The following BARHL1 variants were observed in gnomAD, a reference collection of about 807,000 sequenced individuals.
BARHL1 encodes the protein BarH like homeobox 1, also known as barH-like 1 homeobox protein.
A neutral mutation model predicts 20.1 loss-of-function variants in BARHL1; 2 were observed. That is an observed-to-expected ratio of 0.10 (90% confidence interval 0.04 to 0.31). The LOEUF (loss-of-function observed/expected upper bound fraction) is 0.31. BARHL1 is among the 10% of genes least tolerant of loss of function. The pLI, the probability that BARHL1 is intolerant of heterozygous loss-of-function variation, is 1.00. For synonymous variants in BARHL1, 213 were observed against 209.9 expected (o/e 1.01, Z -0.13); for missense variants, 397 against 454.0 (o/e 0.87, Z 1.14).
intron 1 of BARHL1, among the ~76,000 whole-genome samples, chr9:132,584,753 G>C (rs1393577591): frequency 6.6e-6 from 1 of 152,206 alleles, no homozygotes; most frequent in East Asian, 1.9e-4. Context: ...GAGATCCAGA[G>C]GCATGCGGGT....
At position 132,589,900 on chromosome 9, in the gene BARHL1, A is replaced by C; in HGVS notation, c.*378A>C. ...CTTCGCTCTCTCCCACGCCCCTTCT[A>C]CGCTCCAGGTGGAGAACAGCCCCTC... On this transcript the variant is annotated 3_prime_UTR_variant, in exon 3 of 3. Coordinates refer to ENST00000263610, the MANE Select transcript of BARHL1 (RefSeq NM_020064.4). 1 of 171,768 alleles carries C rather than the reference A, an allele frequency of 5.8e-6. No homozygotes were observed. Among genetic ancestry groups the C allele is most frequent in the Non-Finnish European group, 1.2e-5 (1 of 81,564 alleles). 10.6% of individuals were successfully genotyped at this position (171,768 alleles called of 1,614,324 possible).
chr9:132,587,571 G>A lies in BARHL1; in HGVS notation c.689+20G>A, dbSNP rs1830157210. On this transcript the variant is annotated intron_variant, in intron 2 of 2. Coordinates refer to ENST00000263610, the MANE Select transcript of BARHL1 (RefSeq NM_020064.4). The surrounding 1 kb of genome is among the most constrained non-coding windows in gnomAD (Gnocchi z 5.5). ...CCGCAGGTGAGGCCTGGCTGCGGGG[G>A]TAGAGGCAGAAAGGGAACTTCCCCT... is the stretch of plus-strand genomic sequence containing the variant. 5 of 1,589,472 alleles carry A rather than the reference G, an allele frequency of 3.1e-6. No homozygotes were observed. Among genetic ancestry groups the A allele is most frequent in the Admixed American group, 1.8e-5 (1 of 57,000 alleles).
chr9:132,583,105 C>T lies in BARHL1; in HGVS notation c.308C>T (p.Ala103Val), dbSNP rs780733135. 6.2e-7 allele frequency: 1 copy of T among 1,613,892 alleles called. No individual in the cohort carries two copies. Among genetic ancestry groups the T allele is most frequent in the Non-Finnish European group, 8.5e-7 (1 of 1,179,974 alleles). Residue 103 changes from alanine to valine, a missense_variant, in exon 1 of 3, where the codon GCC becomes GTC. Physicochemically the swap from Ala to Val is moderately conservative, Grantham distance 64. This residue lies in a region of BARHL1 where 272 missense variants were observed against 298.7 expected (regional missense o/e 0.91). Transcript: ENST00000263610. ...TCCTTTCTGATCAGGGACATCCTTG[C>T]CGACTGCAAACCACTCGCGGCCTGT... Reference protein sequence around the residue: ...TSSFLIRDILADCKPLAACAP... With the variant: ...TSSFLIRDILVDCKPLAACAP...
At chr9:132,584,001 G>A (rs971323547) in intron 1 of BARHL1, among the ~76,000 whole-genome samples, 6 of 152,102 alleles carry the variant, frequency 3.9e-5, no homozygotes, top group South Asian at 4.1e-4. Context: ...CTTTTCTCCC[G>A]CTACACTGGG....
At chr9:132,585,699 G>A (rs1386097655) in intron 1 of BARHL1, among the ~76,000 whole-genome samples, 1 of 152,196 alleles carries the variant, frequency 6.6e-6, no homozygotes, top group Non-Finnish European at 1.5e-5. Flanking sequence ...CCAAGGCAGA[G>A]TGGGCACAGA....
chr9:132,583,989 G>C (rs1020127728), intron 1 of BARHL1, among the ~76,000 whole-genome samples: 1 of 152,170 alleles, frequency 6.6e-6, no homozygotes, highest in South Asian at 2.1e-4. Flanking sequence ...TGAGTAACCA[G>C]CCTTTTCTCC....
chr9:132,585,520 G>A (rs1300779096), intron 1 of BARHL1, among the ~76,000 whole-genome samples: 1 of 152,200 alleles, frequency 6.6e-6, no homozygotes. Context: ...AAGGTGGTCG[G>A]CGACACTAGC....
chr9:132,589,281 G>A lies in BARHL1; in HGVS notation c.743G>A (p.Gly248Asp). The A allele has an allele frequency of 6.2e-7, 1 of 1,613,186 alleles. No individual in the cohort carries two copies. Among genetic ancestry groups the A allele is most frequent in the Non-Finnish European group, 8.5e-7 (1 of 1,179,858 alleles). Residue 248 changes from glycine (G) to aspartate (D), a missense_variant, in exon 3 of 3, where the codon GGC (glycine) becomes GAC (aspartate). Around this residue, in one of 3 missense-constraint regions of BARHL1, gnomAD observed 121 missense variants for 135.9 expected, o/e 0.89. Coordinates refer to ENST00000263610, the MANE Select transcript of BARHL1 (RefSeq NM_020064.4). ...GGGTTGGAGCTGCTGGCGGAGGCAG[G>A]CAATTACTCAGCGCTCCAGCGGATG... is the stretch of plus-strand genomic sequence containing the variant. ...AVGLELLAEA[G>D]NYSALQRMFP...
rs189625072 is a variant in BARHL1 at position 132,585,678 on chromosome 9, C to T, written c.467-1651C>T. Among the ~76,000 whole-genome samples, 24 of 152,182 alleles carry T rather than the reference C, an allele frequency of 1.6e-4. No homozygotes were observed. The East Asian group carries it at 2.5e-3, about 16-fold the overall frequency. ...CCAGTACCCCCTGGGCTGAGCCTAT[C>T]CAAGAGGAGGCCAAGGCAGAGTGGG... On this transcript the variant is annotated intron_variant, in intron 1 of 2. Transcript: ENST00000263610.
Position 132,589,652 on chromosome 9 carries a change from C to A in BARHL1, c.*130C>A, listed in dbSNP as rs1830186140. ...GCCCGGCCCTCCCTGGCGCCCCAGCCCAGTGCCCCCCGAAGGGCCAAATGC... is the reference window on the plus strand; with the variant it reads ...GCCCGGCCCTCCCTGGCGCCCCAGCACAGTGCCCCCCGAAGGGCCAAATGC... On this transcript the variant is annotated 3_prime_UTR_variant, in exon 3 of 3. Coordinates refer to ENST00000263610, the MANE Select transcript of BARHL1 (RefSeq NM_020064.4). 2 of 1,184,796 alleles carry A rather than the reference C, an allele frequency of 1.7e-6. No homozygotes were observed. Among genetic ancestry groups the A allele is most frequent in the Non-Finnish European group, 2.1e-6 (2 of 950,684 alleles). The allele number at this position is 1,184,796 out of a possible 1,614,324, so 73.4% of individuals were successfully genotyped here.
chr9:132,589,718 G>GC lies in BARHL1; in HGVS notation c.*202dup, dbSNP rs919968991. ...CCGGACCCCGGACTGCGTCTCCCCA[G>GC]CCCCCCTCGGCGTCCTCTCTCGCGG... On this transcript the variant is annotated 3_prime_UTR_variant, in exon 3 of 3. Transcript: ENST00000263610. The GC allele has an allele frequency of 1.4e-5, 10 of 704,508 alleles. No individual in the cohort carries two copies. The African/African-American group carries it at 1.5e-4, about 11-fold the overall frequency. 43.6% of individuals were successfully genotyped at this position (704,508 alleles called of 1,614,324 possible). A position where few individuals can be genotyped will look rare whatever the true frequency, so the allele number is the denominator to read the frequency against.
At position 132,589,729 on chromosome 9, in the gene BARHL1, C is replaced by A; in HGVS notation, c.*207C>A. On this transcript the variant is annotated 3_prime_UTR_variant, in exon 3 of 3. Transcript: ENST00000263610. Reference sequence around the variant, plus strand: ...ACTGCGTCTCCCCAGCCCCCCTCGGCGTCCTCTCTCGCGGCCGCTCTGTCC... The same window carrying A: ...ACTGCGTCTCCCCAGCCCCCCTCGGAGTCCTCTCTCGCGGCCGCTCTGTCC... The A allele has an allele frequency of 3.2e-6, 2 of 630,524 alleles. No individual in the cohort carries two copies. Among genetic ancestry groups the A allele is most frequent in the Non-Finnish European group, 4.4e-6 (2 of 450,242 alleles). The allele number at this position is 630,524 out of a possible 1,614,324, so 39.1% of individuals were successfully genotyped here.
chr9:132,586,405 C>T (rs1830144930), intron 1 of BARHL1, among the ~76,000 whole-genome samples: 1 of 152,250 alleles, frequency 6.6e-6, no homozygotes, highest in Non-Finnish European at 1.5e-5. Context: ...GAGCATTGAG[C>T]TTGTTCGATT....
rs1230974797 is a variant in BARHL1 at position 132,587,421 on chromosome 9, G to C, written c.559G>C (p.Asp187His). The change falls in exon 2 of 3, where the codon GAC becomes CAC. Residue 187 changes from aspartate to histidine, a missense_variant. This residue lies in a region of BARHL1 where 272 missense variants were observed against 298.7 expected (regional missense o/e 0.91). Transcript: ENST00000263610. The surrounding 1 kb of genome is among the most constrained non-coding windows in gnomAD (Gnocchi z 5.5). ...KPRKARTAFT[D>H]HQLAQLERSF... ...ACGCAAGGCGCGCACGGCCTTCACC[G>C]ACCATCAGCTGGCGCAGCTGGAGCG... is the stretch of plus-strand genomic sequence containing the variant. 2 of 1,612,584 alleles carry C rather than the reference G, an allele frequency of 1.2e-6. No homozygotes were observed. Among genetic ancestry groups the C allele is most frequent in the Non-Finnish European group, 1.7e-6 (2 of 1,179,752 alleles).
At chr9:132,584,792 G>T (rs1830120382) in intron 1 of BARHL1, among the ~76,000 whole-genome samples, 1 of 152,214 alleles carries the variant, frequency 6.6e-6, no homozygotes, top group African/African-American at 2.4e-5. Context: ...AGTGGTCCTT[G>T]CTCCTCCCCC....
Position 132,589,486 on chromosome 9 carries a change from G to T in BARHL1, c.948G>T (p.Leu316=). 1 of 1,469,888 alleles carries T rather than the reference G, an allele frequency of 6.8e-7. No homozygotes were observed. Among genetic ancestry groups the T allele is most frequent in the Non-Finnish European group, 9.0e-7 (1 of 1,113,908 alleles). The allele number at this position is 1,469,888 out of a possible 1,614,324, so 91.1% of individuals were successfully genotyped here. ...AGCCGCCCCCGCCGCTGCCCCCCCT[G>T]GCCGGCGTCCTCCCACGCGCCGCGC... ...ASEPPPPLPP[L]AGVLPRAAQP... Residue 316 remains leucine, a synonymous_variant, in exon 3 of 3, where the codon CTG becomes CTT. Coordinates refer to ENST00000263610, the MANE Select transcript of BARHL1 (RefSeq NM_020064.4).
Position 132,582,691 on chromosome 9 carries a change from C to G in BARHL1, c.-107C>G. 9.2e-7 allele frequency: 1 copy of G among 1,088,196 alleles called. No individual in the cohort carries two copies. Among genetic ancestry groups the G allele is most frequent in the Non-Finnish European group, 1.3e-6 (1 of 765,304 alleles). The allele number at this position is 1,088,196 out of a possible 1,614,324, so 67.4% of individuals were successfully genotyped here. A position where few individuals can be genotyped will look rare whatever the true frequency, so the allele number is the denominator to read the frequency against. ...ACTCCGTCCAAGGTGCCCGCAGGCTCCCTGCCCGCCTTCCCCATGCCAGCC... is the reference window on the plus strand; with the variant it reads ...ACTCCGTCCAAGGTGCCCGCAGGCTGCCTGCCCGCCTTCCCCATGCCAGCC... On this transcript the variant is annotated 5_prime_UTR_variant, in exon 1 of 3. Transcript: ENST00000263610.
chr9:132,589,346 AACCTGGACCCCGGCGCGGCGCTCT>A lies in BARHL1; in HGVS notation c.814_837del (p.Asp272_Leu279del). On this transcript the variant is annotated inframe_deletion, in exon 3 of 3. Transcript: ENST00000263610. Reference sequence around the variant, plus strand: ...TTTCTACCCGCAGAGTCTGGTTTCCAACCTGGACCCCGGCGCGGCGCTCTACCTGTACCGCGGCCCCAGCGCGCC... The same window carrying A: ...TTTCTACCCGCAGAGTCTGGTTTCCAACCTGTACCGCGGCCCCAGCGCGCC... The A allele has an allele frequency of 6.2e-7, 1 of 1,613,488 alleles. No homozygotes were observed. The highest frequency in any genetic ancestry group is 8.5e-7 in the Non-Finnish European group (1 of 1,179,962).
chr9:132,584,339 C>T (rs767478707), intron 1 of BARHL1, among the ~76,000 whole-genome samples: 4 of 152,182 alleles, frequency 2.6e-5, no homozygotes, highest in Non-Finnish European at 5.9e-5. Context: ...GACAGCCCCA[C>T]GTCCCCATCT....
Sources: gnomAD v4.1 joint callset for allele counts (sites outside exome capture counted in the v4.1 genomes callset) on GRCh38, gnomAD v4.1.1 for gene constraint, gnomAD v4.1.1 regional missense constraint, Gnocchi (gnomAD v3.1) non-coding constraint, MANE v1.5 for transcripts, NCBI Gene and HGNC (gene_info 2026-07-23, HGNC 2026-07-21) for gene names.